ARL15: variants seen among roughly 807,000 people sequenced by gnomAD.
ARL15 encodes ADP-ribosylation factor-like protein 15.
A neutral mutation model predicts 25.2 loss-of-function variants in ARL15; 19 were observed. The ratio of observed to expected loss-of-function variants is 0.75; its 90% CI spans 0.53 to 1.10. The LOEUF (loss-of-function observed/expected upper bound fraction) is 1.10, where lower values mean the gene tolerates loss of function less well. Ranked by LOEUF, ARL15 falls within the 50% of genes least tolerant of loss-of-function variation. The pLI is 0.00. For synonymous variants in ARL15, 94 were observed against 86.8 expected (o/e 1.08, Z -0.46); for missense variants, 220 against 246.0 (o/e 0.89, Z 0.71).
At chr5:54,279,214 G>GT (rs55839349) in intron 1 of ARL15, among the ~76,000 whole-genome samples, 6 of 147,284 alleles carry the variant, frequency 4.1e-5, no homozygotes, top group African/African-American at 1.5e-4. Context: ...GTTTGTTTTT[G>GT]TTTTTTTTTT....
chr5:54,145,071 C>G (rs754387664), intron 3 of ARL15, among the ~76,000 whole-genome samples: 2 of 151,626 alleles, frequency 1.3e-5, no homozygotes, highest in African/African-American at 4.8e-5. Flanking sequence ...TTTATTGTTT[C>G]TTTTCTTACC....
chr5:54,246,826 A>G (rs1321382688), intron 1 of ARL15, among the ~76,000 whole-genome samples: 4 of 148,814 alleles, frequency 2.7e-5, no homozygotes, highest in Non-Finnish European at 4.4e-5. Flanking sequence ...ACACACACAC[A>G]CACACACACA....
At chr5:54,086,106 G>A (rs2112126388) in intron 4 of ARL15, among the ~76,000 whole-genome samples, 1 of 150,288 alleles carries the variant, frequency 6.7e-6, no homozygotes, top group South Asian at 2.1e-4. Flanking sequence ...TAGAGACGGG[G>A]TTTCTCCATG....
intron 1 of ARL15, among the ~76,000 whole-genome samples, chr5:54,284,013 C>G (rs40145): frequency 0.29 from 44,803 of 152,014 alleles, 7,626 homozygotes; most frequent in African/African-American, 0.48. Flanking sequence ...ATGAAGTAGA[C>G]CATACAGATA....
At chr5:54,176,729 T>C (rs972028819) in intron 1 of ARL15, among the ~76,000 whole-genome samples, 2 of 152,204 alleles carry the variant, frequency 1.3e-5, no homozygotes, top group African/African-American at 4.8e-5. Context: ...AGTAACATTT[T>C]AACACTCTCT....
At chr5:53,939,275 C>T (rs573197761) in intron 4 of ARL15, among the ~76,000 whole-genome samples, 99 of 152,288 alleles carry the variant, frequency 6.5e-4, no homozygotes, top group African/African-American at 2.2e-3. Flanking sequence ...AAAGTGTTAC[C>T]TATCTTCTGT....
At chr5:54,141,348 C>A (rs1753776230) in intron 3 of ARL15, among the ~76,000 whole-genome samples, 1 of 151,968 alleles carries the variant, frequency 6.6e-6, no homozygotes, top group Non-Finnish European at 1.5e-5. Flanking sequence ...CTTTCCGAGT[C>A]CTTTCCCAGT....
At chr5:54,215,153 T>C (rs62372189) in intron 1 of ARL15, among the ~76,000 whole-genome samples, 2,834 of 152,218 alleles carry the variant, frequency 0.019, 41 homozygotes, top group Non-Finnish European at 0.026. Flanking sequence ...CACTGTTTAA[T>C]GCCTTTTATA....
chr5:54,016,801 A>G (rs1425330898), intron 4 of ARL15, among the ~76,000 whole-genome samples: 1 of 152,216 alleles, frequency 6.6e-6, no homozygotes, highest in Non-Finnish European at 1.5e-5. Context: ...TTTTCTGAGG[A>G]GTCAAATGCC....
At chr5:54,107,794 T>A (rs1014992796) in intron 4 of ARL15, among the ~76,000 whole-genome samples, 1 of 152,194 alleles carries the variant, frequency 6.6e-6, no homozygotes, top group Non-Finnish European at 1.5e-5. Context: ...TATATTGAGA[T>A]GTATAACTTT....
At chr5:54,114,471 T>A (rs938841568) in intron 3 of ARL15, among the ~76,000 whole-genome samples, 1 of 149,762 alleles carries the variant, frequency 6.7e-6, no homozygotes, top group Non-Finnish European at 1.5e-5. Flanking sequence ...CATGTAGTAT[T>A]CCTCTTTGTA....
Position 54,116,085 on chromosome 5 carries a change from C to T in ARL15, c.254-2675G>A, listed in dbSNP as rs574739658. 3.3e-5 allele frequency among the ~76,000 whole-genome samples: 5 copies of T among 152,330 alleles called. No individual in the cohort carries two copies. The South Asian group carries it at 1.0e-3, about 32-fold the overall frequency. On this transcript the variant is annotated intron_variant, in intron 3 of 4. Transcript: ENST00000504924. The stretch of plus-strand genomic sequence containing the variant: ...GAACTCTAAAGCATGGATTGAACCA[C>T]AGAAGTTGTCTAGTCCAAAGGCAAG...
intron 4 of ARL15, among the ~76,000 whole-genome samples, chr5:54,093,911 A>C (rs986675191): frequency 2.0e-5 from 3 of 152,194 alleles, no homozygotes; most frequent in Non-Finnish European, 4.4e-5. Flanking sequence ...AATATAATTT[A>C]TGTGCATGCA....
At chr5:54,300,475 A>G (rs1040845581) in intron 1 of ARL15, among the ~76,000 whole-genome samples, 1 of 152,216 alleles carries the variant, frequency 6.6e-6, no homozygotes, top group African/African-American at 2.4e-5. Flanking sequence ...TTACAACTTC[A>G]TGAGGGATCC....
intron 1 of ARL15, among the ~76,000 whole-genome samples, chr5:54,199,034 C>T (rs1051905910): frequency 2.0e-5 from 3 of 151,368 alleles, no homozygotes; most frequent in Non-Finnish European, 3.0e-5. Flanking sequence ...CTGAGAAAAA[C>T]AAGCAATGGG....
intron 1 of ARL15, among the ~76,000 whole-genome samples, chr5:54,180,961 C>T (rs939730892): frequency 1.3e-5 from 2 of 152,056 alleles, no homozygotes; most frequent in African/African-American, 4.8e-5. Flanking sequence ...GACCCGGGGC[C>T]CACGTGGCTC....
intron 1 of ARL15, chr5:54,282,669 T>TTATAGCAGCCA: frequency 1.6e-6 from 1 of 622,746 alleles, no homozygotes; most frequent in Non-Finnish European, 2.0e-6. Flanking sequence ...ATTTGGCTGC[T>TTATAGCAGCCA]ATAAGTAGCT....
intron 1 of ARL15, among the ~76,000 whole-genome samples, chr5:54,185,202 T>C (rs1386281868): frequency 1.3e-5 from 2 of 152,188 alleles, no homozygotes; most frequent in African/African-American, 4.8e-5. Context: ...TGCACCTCCA[T>C]GCAGTTTCTG....
At chr5:54,153,470 AAC>A (rs1754129091) in intron 3 of ARL15, among the ~76,000 whole-genome samples, 1 of 152,204 alleles carries the variant, frequency 6.6e-6, no homozygotes, top group Admixed American at 6.5e-5. Context: ...ACCCTAATAG[AAC>A]ACAGTCTTTT....
Sources: allele counts gnomAD v4.1 joint callset (sites outside exome capture counted in the v4.1 genomes callset), GRCh38; gene constraint gnomAD v4.1.1; transcripts MANE v1.5; gene names NCBI Gene and HGNC (gene_info 2026-07-23, HGNC 2026-07-21).